Variants in PRKAA1 observed in about 807,000 individuals in gnomAD.
PRKAA1 encodes 5'-AMP-activated protein kinase catalytic subunit alpha-1.
Under a neutral mutation model 56.9 loss-of-function variants are expected in PRKAA1, and 23 were observed. The ratio of observed to expected loss-of-function variants is 0.40; its 90% CI spans 0.29 to 0.57. The LOEUF is 0.57. Among genes scored for constraint, PRKAA1 ranks in the 20% least tolerant of loss-of-function variants. The pLI, the probability that PRKAA1 is intolerant of heterozygous loss-of-function variation, is 0.39. For missense variants in PRKAA1, 413 were observed against 679.7 expected, an observed-to-expected ratio of 0.61 and a Z score of 4.36; for synonymous variants, 226 against 227.0, an observed-to-expected ratio of 1.00 and a Z score of 0.04.
Position 40,762,984 on chromosome 5 carries a change from G to A in PRKAA1, c.1474C>T (p.Gln492Ter), listed in dbSNP as rs1743262191. The change falls in exon 9 of 9, where the codon CAG becomes TAG. Residue 492 changes from glutamine to a stop codon, truncating the protein, a stop_gained. Coordinates refer to ENST00000397128, the MANE Select transcript of PRKAA1 (RefSeq NM_006251.6). LOFTEE classifies it high-confidence loss of function. ...TEAKSGTATP[Q>*]RSGSVSNYRS... is the part of the protein sequence containing the mutation. ...TAGTTGCTAACTGATCCCGATCTCT[G>A]TGGAGTAGCAGTCCCTGATTTGGCT... The A allele has an allele frequency of 6.2e-7, 1 of 1,613,880 alleles. No individual in the cohort carries two copies.
chr5:40,787,467 A>AAATAATAATAAT (rs150503090), intron 1 of PRKAA1, among the ~76,000 whole-genome samples: 5 of 149,974 alleles, frequency 3.3e-5, no homozygotes, highest in African/African-American at 9.8e-5. Flanking sequence ...CTCCATCTCA[A>AAATAATAATAAT]AATAATAATA....
rs372372938 is a variant in PRKAA1, at chr5:40,764,771, T to C, written c.1289A>G (p.Gln430Arg). ...TCTTACCTTCCATTCATAATCCAAT[T>C]GTTTGATTGCTCTACATACTTCTGC... ...IMAEVCRAIK[Q>R]LDYEWKVVNP... Residue 430 changes from glutamine (Q) to arginine (R), a missense_variant, in exon 7 of 9, where the codon CAA becomes CGA. Coordinates refer to ENST00000397128, the MANE Select transcript of PRKAA1 (RefSeq NM_006251.6). The C allele has an allele frequency of 1.9e-6, 3 of 1,611,214 alleles. No homozygotes were observed. The highest frequency in any genetic ancestry group is 2.5e-6 in the Non-Finnish European group (3 of 1,177,690).
intron 3 of PRKAA1, among the ~76,000 whole-genome samples, chr5:40,772,452 A>C (rs1561172859): frequency 6.6e-6 from 1 of 152,112 alleles, no homozygotes; most frequent in Non-Finnish European, 1.5e-5. Flanking sequence ...CTATTCATAA[A>C]CCAGCAAGCA....
chr5:40,782,749 T>C (rs1744312819), intron 1 of PRKAA1, among the ~76,000 whole-genome samples: 1 of 151,928 alleles, frequency 6.6e-6, no homozygotes, highest in African/African-American at 2.4e-5. Context: ...TTAGCAAAAA[T>C]AGGAGGGAAG....
intron 1 of PRKAA1, among the ~76,000 whole-genome samples, chr5:40,782,849 C>G (rs767160479): frequency 2.6e-5 from 4 of 151,936 alleles, no homozygotes; most frequent in Non-Finnish European, 5.9e-5. Context: ...AACAGAAGCC[C>G]CCCAACCACC....
At chr5:40,770,360 G>A (rs1160725357) in intron 4 of PRKAA1, among the ~76,000 whole-genome samples, 1 of 152,036 alleles carries the variant, frequency 6.6e-6, no homozygotes, top group Non-Finnish European at 1.5e-5. Context: ...CAGCTACTTG[G>A]GAGGCCAAGG....
At chr5:40,765,697 C>T (rs1252194899) in intron 6 of PRKAA1, among the ~76,000 whole-genome samples, 3 of 151,914 alleles carry the variant, frequency 2.0e-5, no homozygotes, top group African/African-American at 4.8e-5. Context: ...CCCTCATCAT[C>T]GAAACAATTA....
Position 40,798,093 on chromosome 5 carries a change from G to A in PRKAA1, c.97C>T (p.Leu33=). The part of the protein sequence containing the change: ...KIGHYILGDT[L]GVGTFGKVKV... ...ACTTTGCCGAAGGTGCCGACCCCCAGCGTGTCACCCAGAATGTAGTGGCCG... is the reference window on the plus strand; with the variant it reads ...ACTTTGCCGAAGGTGCCGACCCCCAACGTGTCACCCAGAATGTAGTGGCCG... Residue 33 remains leucine (L), a synonymous_variant, in exon 1 of 9, where the codon CTG becomes TTG. Transcript: ENST00000397128. The A allele has an allele frequency of 6.2e-7, 1 of 1,609,786 alleles. No individual in the cohort carries two copies. The highest frequency in any genetic ancestry group is 1.1e-5 in the South Asian group (1 of 90,972).
chr5:40,781,651 A>T (rs1318964949), intron 1 of PRKAA1, among the ~76,000 whole-genome samples: 2 of 152,204 alleles, frequency 1.3e-5, no homozygotes, highest in East Asian at 3.8e-4. Flanking sequence ...ATAATTCATG[A>T]ATGCCAGTAA....
chr5:40,770,300 C>CA (rs1743674357), intron 4 of PRKAA1, among the ~76,000 whole-genome samples: 1 of 151,802 alleles, frequency 6.6e-6, no homozygotes, highest in Admixed American at 6.6e-5. Context: ...CCATCTCCAC[C>CA]AAAAATTAAA....
chr5:40,771,493 C>A, intron 4 of PRKAA1, among the ~76,000 whole-genome samples: 1 of 152,138 alleles, frequency 6.6e-6, no homozygotes, highest in East Asian at 1.9e-4. Context: ...CAAAGCGAAA[C>A]CCTGCCTCTA....
chr5:40,771,143 AC>A (rs1238393030), intron 4 of PRKAA1, among the ~76,000 whole-genome samples: 1 of 152,126 alleles, frequency 6.6e-6, no homozygotes, highest in Non-Finnish European at 1.5e-5. Context: ...CTTCTCTTTC[AC>A]AAATAATACT....
chr5:40,762,781 T>C lies in PRKAA1; in HGVS notation c.1677A>G (p.Gln559=). The C allele has an allele frequency of 6.2e-7, 1 of 1,613,676 alleles. No homozygotes were observed. Among genetic ancestry groups the C allele is most frequent in the Non-Finnish European group, 8.5e-7 (1 of 1,179,678 alleles). The stretch of plus-strand genomic sequence containing the variant: ...AGAAATAAGCAAAGTTTTCTGTTTA[T>C]TGTGCAAGAATTTTAATTAGATTTG... ...MCANLIKILA[Q] Residue 559 remains glutamine, a synonymous_variant, in exon 9 of 9, where the codon CAA becomes CAG. Coordinates refer to ENST00000397128, the MANE Select transcript of PRKAA1 (RefSeq NM_006251.6).
rs887902922 is a variant in PRKAA1 at position 40,761,319 on chromosome 5, C to A, written c.*1459G>T. 6.6e-6 allele frequency: 1 copy of A among 151,888 alleles called. No individual in the cohort carries two copies. Among genetic ancestry groups the A allele is most frequent in the Non-Finnish European group, 1.5e-5 (1 of 67,976 alleles). The allele number at this position is 151,888 out of a possible 1,614,324, so 9.4% of individuals were successfully genotyped here. On this transcript the variant is annotated 3_prime_UTR_variant, in exon 9 of 9. Coordinates refer to ENST00000397128, the MANE Select transcript of PRKAA1 (RefSeq NM_006251.6). ...AATTATTACTTTTACAATGGTATTA[C>A]GGATTTTTAGGAGAATGTCATTATC... is the stretch of plus-strand genomic sequence containing the variant.
At position 40,762,671 on chromosome 5, in the gene PRKAA1, C is replaced by T; in HGVS notation, c.*107G>A. 1 of 1,418,616 alleles carries T rather than the reference C, an allele frequency of 7.0e-7. No individual in the cohort carries two copies. The highest frequency in any genetic ancestry group is 2.3e-5 in the East Asian group (1 of 43,120). The allele number at this position is 1,418,616 out of a possible 1,614,324, so 87.9% of individuals were successfully genotyped here. ...CCTGTGCAAATTGCATTCCAAAACG[C>T]CAGCCCTCGGTTATAATTATGTATA... On this transcript the variant is annotated 3_prime_UTR_variant, in exon 9 of 9. Coordinates refer to ENST00000397128, the MANE Select transcript of PRKAA1 (RefSeq NM_006251.6).
Position 40,782,734 on chromosome 5 carries a change from G to A in PRKAA1, c.128-5148C>T, listed in dbSNP as rs77836743. On this transcript the variant is annotated intron_variant, in intron 1 of 8. Coordinates refer to ENST00000397128, the MANE Select transcript of PRKAA1 (RefSeq NM_006251.6). Reference sequence around the variant, plus strand: ...TAGAACACACAACAAAAAATGAGGAGGAAATTAGCAAAAATAGGAGGGAAG... The same window carrying A: ...TAGAACACACAACAAAAAATGAGGAAGAAATTAGCAAAAATAGGAGGGAAG... 1.8e-3 allele frequency among the ~76,000 whole-genome samples: 276 copies of A among 151,906 alleles called. 1 individual carries two copies. Among genetic ancestry groups the A allele is most frequent in the Non-Finnish European group, 2.1e-3 (142 of 67,954 alleles).
chr5:40,775,266 A>G lies in PRKAA1; in HGVS notation c.363+144T>C, dbSNP rs539503998. 55 of 712,824 alleles carry G rather than the reference A, an allele frequency of 7.7e-5. No homozygotes were observed. The East Asian group carries it at 1.4e-3, about 18-fold the overall frequency. The allele number at this position is 712,824 out of a possible 1,614,324, so 44.2% of individuals were successfully genotyped here. A position where few individuals can be genotyped will look rare whatever the true frequency, so the allele number is the denominator to read the frequency against. On this transcript the variant is annotated intron_variant, in intron 3 of 8. Transcript: ENST00000397128. ...TCTTTAAGATCCTTTCTAGTTCTAC[A>G]TAGTTTATGATTCTAAACAAATATA... is the stretch of plus-strand genomic sequence containing the variant.
intron 3 of PRKAA1, among the ~76,000 whole-genome samples, chr5:40,772,131 CAT>C (rs1343876085): frequency 6.6e-6 from 1 of 152,210 alleles, no homozygotes; most frequent in Non-Finnish European, 1.5e-5. Context: ...CTCTATATCT[CAT>C]GAGTTATTTC....
rs1743163782 is a variant in PRKAA1 at position 40,761,052 on chromosome 5, C to A, written c.*1726G>T. ...AAAAATATCAGTGTAAATCAGAAATCTTAGGAAAATCCAGTATCTTTAAAA... is the reference window on the plus strand; with the variant it reads ...AAAAATATCAGTGTAAATCAGAAATATTAGGAAAATCCAGTATCTTTAAAA... On this transcript the variant is annotated 3_prime_UTR_variant, in exon 9 of 9. Coordinates refer to ENST00000397128, the MANE Select transcript of PRKAA1 (RefSeq NM_006251.6). 1.3e-5 allele frequency: 2 copies of A among 152,108 alleles called. No individual in the cohort carries two copies. The highest frequency in any genetic ancestry group is 4.8e-5 in the African/African-American group (2 of 41,392). The allele number at this position is 152,108 out of a possible 1,614,324, so 9.4% of individuals were successfully genotyped here. A position where few individuals can be genotyped will look rare whatever the true frequency, so the allele number is the denominator to read the frequency against.
Sources: allele counts gnomAD v4.1 joint callset (sites outside exome capture counted in the v4.1 genomes callset), GRCh38; gene constraint gnomAD v4.1.1; transcripts MANE v1.5; gene names NCBI Gene and HGNC (gene_info 2026-07-23, HGNC 2026-07-21).